LRIG1: variants seen among roughly 807,000 people sequenced by gnomAD.
The protein encoded by LRIG1 is leucine rich repeats and immunoglobulin like domains 1.
A neutral mutation model predicts 99.2 loss-of-function variants in LRIG1; 48 were observed. The ratio of observed to expected loss-of-function variants is 0.48; its 90% CI spans 0.38 to 0.62. The LOEUF is 0.62. Ranked by LOEUF, LRIG1 falls within the 20% of genes least tolerant of loss-of-function variation. LRIG1 has a pLI of 0.00. For synonymous variants in LRIG1, 772 were observed against 596.1 expected (o/e 1.29, Z -4.30); for missense variants, 1,646 against 1,434.4 (o/e 1.15, Z -2.38).
rs933686374 is a variant in LRIG1, at chr3:66,442,037, T to C, written c.365+9522A>G. On this transcript the variant is annotated intron_variant, in intron 3 of 18. Transcript: ENST00000273261. Reference sequence around the variant, plus strand: ...GTACCATATATGCTGACGGTCACTATTTTTTCTTCTCAAAAGGCTGAACAA... The same window carrying C: ...GTACCATATATGCTGACGGTCACTACTTTTTCTTCTCAAAAGGCTGAACAA... Among the ~76,000 whole-genome samples, 44 of 152,194 alleles carry C rather than the reference T, an allele frequency of 2.9e-4. 3 individuals carry two copies. The highest frequency in any genetic ancestry group is 4.4e-5 in the Non-Finnish European group (3 of 68,046).
chr3:66,499,405 G>A (rs539544019), intron 1 of LRIG1, among the ~76,000 whole-genome samples: 17 of 152,206 alleles, frequency 1.1e-4, no homozygotes, highest in Non-Finnish European at 2.5e-4. Flanking sequence ...GGAGGAGAGA[G>A]TCTTGAGGGT....
At chr3:66,434,568 G>A (rs956879567) in intron 3 of LRIG1, among the ~76,000 whole-genome samples, 13 of 151,966 alleles carry the variant, frequency 8.6e-5, no homozygotes, top group Non-Finnish European at 1.8e-4. Flanking sequence ...CCAACATGGC[G>A]AAACCCTGTC....
chr3:66,403,973 G>A (rs1222613384), intron 9 of LRIG1, among the ~76,000 whole-genome samples: 1 of 152,216 alleles, frequency 6.6e-6, no homozygotes. Context: ...CTCTTCCCAG[G>A]TTTGCCCCGT....
chr3:66,406,631 T>C (rs1362004748), intron 8 of LRIG1, among the ~76,000 whole-genome samples: 1 of 152,158 alleles, frequency 6.6e-6, no homozygotes, highest in African/African-American at 2.4e-5. Flanking sequence ...TGCATGCCCC[T>C]CTCTGGGGGT....
At chr3:66,397,053 C>A (rs1428015769) in intron 11 of LRIG1, among the ~76,000 whole-genome samples, 2 of 152,230 alleles carry the variant, frequency 1.3e-5, no homozygotes, top group Non-Finnish European at 2.9e-5. Flanking sequence ...TCTGCAGAGC[C>A]CTGAGCTCCA....
chr3:66,408,960 G>GGGA (rs1702371834), intron 7 of LRIG1, among the ~76,000 whole-genome samples: 1 of 125,634 alleles, frequency 8.0e-6, no homozygotes, highest in African/African-American at 3.1e-5. Context: ...GTGTGTGTGT[G>GGGA]TGGTGGGGGG....
intron 1 of LRIG1, among the ~76,000 whole-genome samples, chr3:66,466,976 G>A (rs1176187623): frequency 6.6e-6 from 1 of 152,144 alleles, no homozygotes; most frequent in Admixed American, 6.5e-5. Context: ...CAAAGGGTGC[G>A]CAGATCTCTG....
intron 6 of LRIG1, among the ~76,000 whole-genome samples, chr3:66,410,804 C>A (rs1418294762): frequency 6.6e-6 from 1 of 152,220 alleles, no homozygotes; most frequent in Non-Finnish European, 1.5e-5. Context: ...GCATCTCACA[C>A]ATGAGGAATG....
chr3:66,400,197 T>C (rs1702003488), intron 9 of LRIG1, among the ~76,000 whole-genome samples: 2 of 152,136 alleles, frequency 1.3e-5, no homozygotes, highest in South Asian at 2.1e-4. Context: ...GCAGAACACA[T>C]GGAAGAAATG....
intron 1 of LRIG1, among the ~76,000 whole-genome samples, chr3:66,466,685 C>A (rs1249275179): frequency 6.6e-6 from 1 of 152,148 alleles, no homozygotes; most frequent in Non-Finnish European, 1.5e-5. Flanking sequence ...CAGGTGGCAG[C>A]TGACATGCAC....
intron 1 of LRIG1, among the ~76,000 whole-genome samples, chr3:66,470,195 C>G (rs1290617933): frequency 1.3e-5 from 2 of 152,160 alleles, no homozygotes; most frequent in African/African-American, 4.8e-5. Flanking sequence ...GACCACAGAC[C>G]TCACCACTCC....
chr3:66,391,845 A>C (rs1701632445), intron 12 of LRIG1, among the ~76,000 whole-genome samples: 1 of 152,206 alleles, frequency 6.6e-6, no homozygotes, highest in Non-Finnish European at 1.5e-5. Context: ...TAAAGTATAC[A>C]ATTCAATGGT....
intron 1 of LRIG1, among the ~76,000 whole-genome samples, chr3:66,476,768 C>A (rs545612258): frequency 6.6e-6 from 1 of 152,312 alleles, no homozygotes; most frequent in Non-Finnish European, 1.5e-5. Flanking sequence ...ATTCACTAAA[C>A]CTAGTTTTCT....
intron 2 of LRIG1, among the ~76,000 whole-genome samples, chr3:66,457,837 T>C (rs543659793): frequency 6.6e-6 from 1 of 152,316 alleles, no homozygotes; most frequent in African/African-American, 2.4e-5. Flanking sequence ...GACGGTACTG[T>C]TGCCATAGAT....
chr3:66,436,324 C>G (rs1237658067), intron 3 of LRIG1, among the ~76,000 whole-genome samples: 1 of 152,196 alleles, frequency 6.6e-6, no homozygotes, highest in Non-Finnish European at 1.5e-5. Context: ...GGAAAGGGTG[C>G]TGGGTGCAGG....
chr3:66,477,667 C>G (rs575915737), intron 1 of LRIG1, among the ~76,000 whole-genome samples: 1 of 152,288 alleles, frequency 6.6e-6, no homozygotes, highest in African/African-American at 2.4e-5. Flanking sequence ...CGCCTCAAAC[C>G]TTATCCTTTC....
At chr3:66,451,433 T>G in intron 3 of LRIG1, 126 bp downstream of exon 3, 1 of 721,784 alleles carries the variant, frequency 1.4e-6, no homozygotes, top group Non-Finnish European at 2.4e-6. Flanking sequence ...GAGGGCCACA[T>G]GAAGAAAGGT....
At position 66,380,134 on chromosome 3, in the gene LRIG1, G is replaced by A. The variant is rs570109765; in HGVS notation, c.*129C>T. On this transcript the variant is annotated 3_prime_UTR_variant, in exon 19 of 19. Coordinates refer to ENST00000273261, the MANE Select transcript of LRIG1 (RefSeq NM_015541.3). ...TGCTTCAGATCCAAGTCCTGTGAGC[G>A]ACTGATACTCCACATGGGAGTTACA... 6.1e-5 allele frequency: 43 copies of A among 710,030 alleles called. No individual in the cohort carries two copies. Among genetic ancestry groups the A allele is most frequent in the South Asian group, 1.7e-4 (8 of 48,118 alleles). The allele number at this position is 710,030 out of a possible 1,614,324, so 44.0% of individuals were successfully genotyped here. A position where few individuals can be genotyped will look rare whatever the true frequency, so the allele number is the denominator to read the frequency against.
At position 66,395,166 on chromosome 3, in the gene LRIG1, A is replaced by C. The variant is rs180902647; in HGVS notation, c.1305-963T>G. On this transcript the variant is annotated intron_variant, in intron 11 of 18. Coordinates refer to ENST00000273261, the MANE Select transcript of LRIG1 (RefSeq NM_015541.3). The stretch of plus-strand genomic sequence containing the variant: ...TGGCCCACGATAAGGGAAGACTGGG[A>C]AAGAGAGCACACAGGCTTCCCTGCA... Among the ~76,000 whole-genome samples, 199 of 152,266 alleles carry C rather than the reference A, an allele frequency of 1.3e-3. 1 individual carries two copies. The highest frequency in any genetic ancestry group is 4.5e-3 in the African/African-American group (187 of 41,540).
Sources: allele counts gnomAD v4.1 joint callset (sites outside exome capture counted in the v4.1 genomes callset), GRCh38; gene constraint gnomAD v4.1.1; transcripts MANE v1.5; gene names NCBI Gene and HGNC (gene_info 2026-07-23, HGNC 2026-07-21).